The following C10orf90 variants were observed in gnomAD, a reference collection of about 807,000 sequenced individuals.
C10orf90 encodes the protein chromosome 10 open reading frame 90.
A neutral mutation model predicts 62.5 loss-of-function variants in C10orf90; 56 were observed. The observed-to-expected ratio is 0.90, with a 90% CI of 0.72 to 1.12. The LOEUF (loss-of-function observed/expected upper bound fraction) is 1.12, where lower values mean the gene tolerates loss of function less well. Ranked by LOEUF, C10orf90 falls within the 50% of genes most tolerant of loss-of-function variation. The pLI is 0.00. For synonymous variants in C10orf90, 386 were observed against 340.4 expected (o/e 1.13, Z -1.47); for missense variants, 970 against 880.4 (o/e 1.10, Z -1.29).
rs111762556 is a variant in C10orf90 at position 126,501,918 on chromosome 10, G to C, written c.1534+2039C>G. Among the ~76,000 whole-genome samples the C allele has an allele frequency of 2.4e-3, 361 of 151,694 alleles. 1 individual carries two copies. The highest frequency in any genetic ancestry group is 4.3e-3 in the Non-Finnish European group (294 of 67,886). On this transcript the variant is annotated intron_variant, in intron 4 of 9. Coordinates refer to ENST00000488181, the MANE Select transcript of C10orf90 (RefSeq NM_001350921.2). The stretch of plus-strand genomic sequence containing the variant: ...GGACTTCAGAGACTCAGAAAGGGGA[G>C]GGTGAGAGGTGGGCCTAGGGATAAA...
intron 2 of C10orf90, among the ~76,000 whole-genome samples, chr10:126,559,178 C>A (rs1564871222): frequency 6.6e-6 from 1 of 152,202 alleles, no homozygotes. Flanking sequence ...AATGCCTATG[C>A]CCTGTGGTTG....
chr10:126,538,673 G>A (rs1864301604), intron 2 of C10orf90, among the ~76,000 whole-genome samples: 1 of 152,128 alleles, frequency 6.6e-6, no homozygotes, highest in African/African-American at 2.4e-5. Flanking sequence ...TAACGCAGAG[G>A]GAATATGTGA....
chr10:126,437,598 C>A (rs1468884290), intron 7 of C10orf90, among the ~76,000 whole-genome samples: 1 of 152,180 alleles, frequency 6.6e-6, no homozygotes, highest in Non-Finnish European at 1.5e-5. Flanking sequence ...TTAAATTTGC[C>A]TTTCAGATCC....
chr10:126,473,952 A>G (rs1469630633), intron 4 of C10orf90, among the ~76,000 whole-genome samples: 4 of 152,160 alleles, frequency 2.6e-5, no homozygotes, highest in Non-Finnish European at 5.9e-5. Flanking sequence ...GTTAGGTTTC[A>G]TTGCAGTGAA....
chr10:126,540,265 C>T (rs1864343112), intron 2 of C10orf90, among the ~76,000 whole-genome samples: 1 of 152,112 alleles, frequency 6.6e-6, no homozygotes, highest in Non-Finnish European at 1.5e-5. Context: ...AAAGTAAAAA[C>T]TGTAAAGTCA....
intron 4 of C10orf90, among the ~76,000 whole-genome samples, chr10:126,486,723 T>C (rs895862659): frequency 1.1e-4 from 16 of 152,150 alleles, no homozygotes; most frequent in South Asian, 4.1e-4. Context: ...TGACTTTAGA[T>C]ACAAGTGAAA....
intron 2 of C10orf90, among the ~76,000 whole-genome samples, chr10:126,551,526 T>TG (rs1864630697): frequency 6.6e-6 from 1 of 151,972 alleles, no homozygotes; most frequent in African/African-American, 2.4e-5. Flanking sequence ...GGAGTGAGTG[T>TG]GGGAAAAAAA....
chr10:126,663,581 T>A (rs1846562520), intron 1 of C10orf90, among the ~76,000 whole-genome samples: 1 of 152,074 alleles, frequency 6.6e-6, no homozygotes, highest in African/African-American at 2.4e-5. Flanking sequence ...GTCTCTCAGC[T>A]CTCCTTGCAC....
rs547623619 is a variant in C10orf90 at position 126,510,049 on chromosome 10, T to C, written c.405+3799A>G. On this transcript the variant is annotated intron_variant, in intron 3 of 9. Transcript: ENST00000488181. ...TCTTTACACGGTCCTCCCTCTGTCC[T>C]CTGCTCCATGTCTGGGTCCTAATCT... 3.3e-5 allele frequency among the ~76,000 whole-genome samples: 5 copies of C among 152,322 alleles called. No homozygotes were observed. In the South Asian group the frequency reaches 8.3e-4, roughly 25 times the overall value.
intron 2 of C10orf90, among the ~76,000 whole-genome samples, chr10:126,566,070 C>T (rs555829977): frequency 1.4e-4 from 22 of 152,162 alleles, no homozygotes; most frequent in Non-Finnish European, 1.5e-5. Context: ...GGGCTCATTG[C>T]CCAGCCAGGT....
At chr10:126,430,254 A>T (rs1857493825) in intron 7 of C10orf90, among the ~76,000 whole-genome samples, 2 of 152,158 alleles carry the variant, frequency 1.3e-5, no homozygotes, top group African/African-American at 2.4e-5. Context: ...TCCCTAGAGC[A>T]TTTTGCAAGA....
chr10:126,572,215 A>G (rs1437121204), intron 2 of C10orf90, among the ~76,000 whole-genome samples: 1 of 152,134 alleles, frequency 6.6e-6, no homozygotes, highest in Non-Finnish European at 1.5e-5. Flanking sequence ...TGCCAAACCC[A>G]CCAAAACCAA....
rs909769285 is a variant in C10orf90, at chr10:126,599,298, G to GC, written c.313+47266dup. Among the ~76,000 whole-genome samples the GC allele has an allele frequency of 3.3e-5, 5 of 150,616 alleles. No homozygotes were observed. In the Admixed American group the frequency reaches 3.3e-4, roughly 10 times the overall value. On this transcript the variant is annotated intron_variant, in intron 2 of 9. Transcript: ENST00000488181. ...CCTCCCGGGTTCACGCCATTCTCCTGCCTCAGCCTTCCGAGTAGCTGGGAC... is the reference window on the plus strand; with the variant it reads ...CCTCCCGGGTTCACGCCATTCTCCTGCCCTCAGCCTTCCGAGTAGCTGGGAC...
intron 2 of C10orf90, among the ~76,000 whole-genome samples, chr10:126,547,185 C>T (rs12777859): frequency 0.33 from 49,407 of 151,616 alleles, 8,168 homozygotes; most frequent in East Asian, 0.41. Context: ...TTTGGGAGGC[C>T]GAGGCGGGCG....
chr10:126,509,627 G>A (rs1862974678), intron 3 of C10orf90, among the ~76,000 whole-genome samples: 1 of 152,028 alleles, frequency 6.6e-6, no homozygotes, highest in East Asian at 1.9e-4. Flanking sequence ...TATTTATTTG[G>A]GCACCTACTA....
chr10:126,479,220 A>G (rs537151106), intron 4 of C10orf90, among the ~76,000 whole-genome samples: 1 of 152,292 alleles, frequency 6.6e-6, no homozygotes, highest in South Asian at 2.1e-4. Context: ...CGTTATTCCA[A>G]TGTGGGCGGT....
In C10orf90 at chr10:126,504,257, T is replaced by C. The variant is rs139034793; in HGVS notation, c.1234A>G (p.Ile412Val). 586 of 1,614,200 alleles carry C rather than the reference T, an allele frequency of 3.6e-4. No homozygotes were observed. In the African/African-American group the frequency reaches 6.0e-3, roughly 16 times the overall value. The change falls in exon 4 of 10, where the codon ATA becomes GTA. Residue 412 changes from isoleucine (I) to valine (V), a missense_variant. Transcript: ENST00000488181. The surrounding 1 kb of genome is among the most constrained non-coding windows in gnomAD (Gnocchi z 4.1). ...GVDGLVNREP[I>V]SEALKQELLE... ...AGCTCCTGCTTCAGGGCTTCGCTTA[T>C]TGGCTCTCTGTTCACTAGGCCATCT...
Position 126,565,021 on chromosome 10 carries a change from T to TTATATATTATATAATATATATAA in C10orf90, c.314-51083_314-51082insTTATATATATTATATAATATATA, listed in dbSNP as rs1844299504. On this transcript the variant is annotated intron_variant, in intron 2 of 9. Transcript: ENST00000488181. ...TTATATATAATATATATAATATATA[T>TTATATATTATATAATATATATAA]TATATATTATATAAAATATATAATA... 9.6e-3 allele frequency among the ~76,000 whole-genome samples: 88 copies of TTATATATTATATAATATATATAA among 9,188 alleles called. 8 individuals carry two copies. Among genetic ancestry groups the TTATATATTATATAATATATATAA allele is most frequent in the Non-Finnish European group, 0.015 (80 of 5,456 alleles). The allele number at this position is 9,188 out of a possible 152,430, so 6.0% of individuals were successfully genotyped here.
At chr10:126,518,167 G>A (rs911097026) in intron 2 of C10orf90, among the ~76,000 whole-genome samples, 7 of 152,094 alleles carry the variant, frequency 4.6e-5, no homozygotes, top group East Asian at 3.9e-4. Flanking sequence ...CCGCATTGCT[G>A]TTCAACAGCA....
Sources: gnomAD v4.1 joint callset for allele counts (sites outside exome capture counted in the v4.1 genomes callset) on GRCh38, gnomAD v4.1.1 for gene constraint, Gnocchi (gnomAD v3.1) non-coding constraint, MANE v1.5 for transcripts, NCBI Gene and HGNC (gene_info 2026-07-23, HGNC 2026-07-21) for gene names.